NCOA2: variants seen among roughly 807,000 people sequenced by gnomAD.
NCOA2 encodes class E basic helix-loop-helix protein 75.
NCOA2 carries 21 observed loss-of-function variants against 145.1 expected under a neutral mutation model. That is an observed-to-expected ratio of 0.14 (90% confidence interval 0.10 to 0.21). The LOEUF is 0.21. Among genes scored for constraint, NCOA2 ranks in the 10% least tolerant of loss-of-function variants. The pLI is 1.00. For synonymous variants in NCOA2, 619 were observed against 637.5 expected (o/e 0.97, Z 0.44); for missense variants, 1,472 against 1,837.6 (o/e 0.80, Z 3.64).
At chr8:70,237,102 G>A (rs1008725315) in intron 2 of NCOA2, among the ~76,000 whole-genome samples, 25 of 152,270 alleles carry the variant, frequency 1.6e-4, no homozygotes, top group South Asian at 4.2e-4. Flanking sequence ...AACTGCTATC[G>A]AGTTTGAAGC....
At chr8:70,350,396 T>C (rs529365659) in intron 1 of NCOA2, among the ~76,000 whole-genome samples, 7 of 152,290 alleles carry the variant, frequency 4.6e-5, no homozygotes, top group Non-Finnish European at 1.0e-4. Flanking sequence ...TCCTGGGATA[T>C]TTCACTATCC....
chr8:70,327,610 T>G (rs149309583), intron 1 of NCOA2, among the ~76,000 whole-genome samples: 7 of 152,198 alleles, frequency 4.6e-5, no homozygotes, highest in Middle Eastern at 3.4e-3. Flanking sequence ...ACAAGTACAA[T>G]CTCACTATAT....
At position 70,144,778 on chromosome 8, in the gene NCOA2, T is replaced by C. The variant is rs1810833001; in HGVS notation, c.2676A>G (p.Thr892=). The change falls in exon 13 of 23, where the codon ACA becomes ACG. Residue 892 remains threonine, a synonymous_variant. Coordinates refer to ENST00000452400, the MANE Select transcript of NCOA2 (RefSeq NM_006540.4). ...GTCCAGCACCAGTTGGGCTTTGCAA[T>C]GTGATGTCAAGTGGTAAATTCTGGT... The part of the protein sequence containing the change: ...LPNQNLPLDI[T]LQSPTGAGPF... 1 of 1,613,958 alleles carries C rather than the reference T, an allele frequency of 6.2e-7. No homozygotes were observed. Among genetic ancestry groups the C allele is most frequent in the Non-Finnish European group, 8.5e-7 (1 of 1,179,870 alleles).
intron 2 of NCOA2, among the ~76,000 whole-genome samples, chr8:70,286,040 A>G (rs1295481985): frequency 6.6e-6 from 1 of 152,244 alleles, no homozygotes; most frequent in African/African-American, 2.4e-5. Context: ...AATAAAAAGC[A>G]TATTATGCCT....
rs1241291242 is a variant in NCOA2, at chr8:70,111,255, G to C, written c.*2377C>G. ...GCGGGCAGATGGATAAAAAAGAAGA[G>C]ATAGGTAGATAGTTTTGGACGGTGT... On this transcript the variant is annotated 3_prime_UTR_variant, in exon 23 of 23. Transcript: ENST00000452400. 8.8e-6 allele frequency: 2 copies of C among 226,432 alleles called. No homozygotes were observed. The highest frequency in any genetic ancestry group is 1.8e-5 in the Non-Finnish European group (2 of 113,880). 14.0% of individuals were successfully genotyped at this position (226,432 alleles called of 1,614,324 possible). A position where few individuals can be genotyped will look rare whatever the true frequency, so the allele number is the denominator to read the frequency against.
the NCOA2 span, among the ~76,000 whole-genome samples, chr8:70,442,082 AAG>A: frequency 2.4e-5 from 3 of 127,138 alleles, no homozygotes; most frequent in East Asian, 4.4e-4. Context: ...AAGAAAGAAA[AAG>A]AGAAGAAAGA....
At chr8:70,259,829 C>G (rs4738083) in intron 2 of NCOA2, among the ~76,000 whole-genome samples, 8,306 of 152,262 alleles carry the variant, frequency 0.055, 305 homozygotes, top group East Asian at 0.16. Context: ...ATTAAGAGAG[C>G]TCTCGCACAT....
At chr8:70,419,913 G>A in the NCOA2 span, among the ~76,000 whole-genome samples, 1 of 152,132 alleles carries the variant, frequency 6.6e-6, no homozygotes, top group Non-Finnish European at 1.5e-5. Context: ...TAATGCTATA[G>A]AAATACACTT....
In NCOA2 at chr8:70,111,335, T is replaced by C; in HGVS notation, c.*2297A>G. 4.4e-6 allele frequency: 1 copy of C among 225,110 alleles called. No homozygotes were observed. The highest frequency in any genetic ancestry group is 8.9e-6 in the Non-Finnish European group (1 of 112,964). 13.9% of individuals were successfully genotyped at this position (225,110 alleles called of 1,614,324 possible). ...CAAAACAAATCCAGTTTAAACTCCATTTCTCTTTTGTGCTGTGTGAAGTTA... is the reference window on the plus strand; with the variant it reads ...CAAAACAAATCCAGTTTAAACTCCACTTCTCTTTTGTGCTGTGTGAAGTTA... On this transcript the variant is annotated 3_prime_UTR_variant, in exon 23 of 23. Transcript: ENST00000452400.
At chr8:70,244,671 T>G (rs1338467227) in intron 2 of NCOA2, among the ~76,000 whole-genome samples, 1 of 152,174 alleles carries the variant, frequency 6.6e-6, no homozygotes, top group Non-Finnish European at 1.5e-5. Flanking sequence ...TATTTATTCC[T>G]TAATAATTAA....
chr8:70,342,937 C>T (rs1442179344), intron 1 of NCOA2, among the ~76,000 whole-genome samples: 1 of 151,718 alleles, frequency 6.6e-6, no homozygotes, highest in African/African-American at 2.4e-5. Flanking sequence ...AATGATACCA[C>T]TAGATAGAGT....
intron 1 of NCOA2, among the ~76,000 whole-genome samples, chr8:70,333,535 C>T (rs1423162027): frequency 3.3e-5 from 5 of 152,144 alleles, no homozygotes; most frequent in South Asian, 2.1e-4. Flanking sequence ...CTCTGTTGGG[C>T]GACATGAATA....
intron 1 of NCOA2, among the ~76,000 whole-genome samples, chr8:70,353,397 G>A (rs1339326526): frequency 6.7e-6 from 1 of 149,770 alleles, no homozygotes. Flanking sequence ...TTAAAGGGGG[G>A]TGCCACCATG....
intron 2 of NCOA2, among the ~76,000 whole-genome samples, chr8:70,267,551 C>G (rs934888149): frequency 6.6e-6 from 1 of 152,060 alleles, no homozygotes; most frequent in Non-Finnish European, 1.5e-5. Flanking sequence ...GCATACGTCA[C>G]CATGCCCGGC....
intron 2 of NCOA2, among the ~76,000 whole-genome samples, chr8:70,294,776 G>C (rs954107214): frequency 6.6e-6 from 1 of 152,162 alleles, no homozygotes; most frequent in Admixed American, 6.5e-5. Context: ...CCTTGGAAAA[G>C]TCATTTAACC....
chr8:70,156,509 G>T lies in NCOA2; in HGVS notation c.1856C>A (p.Pro619Gln), dbSNP rs780473742. The T allele has an allele frequency of 6.2e-7, 1 of 1,613,666 alleles. No individual in the cohort carries two copies. Reference protein sequence around the residue: ...QKETNDPNLPPAVSSERADGQ... With the variant: ...QKETNDPNLPQAVSSERADGQ... ...GTCAGCTCTCTCACTGCTCACGGCC[G>T]GGGGCAGGTTGGGGTCATTTGTTTC... The change falls in exon 11 of 23, where the codon CCG becomes CAG. Residue 619 changes from proline to glutamine, a missense_variant. Transcript: ENST00000452400.
chr8:70,277,363 T>C lies in NCOA2; in HGVS notation c.-20+19381A>G, dbSNP rs1023757351. 3.3e-5 allele frequency among the ~76,000 whole-genome samples: 5 copies of C among 152,330 alleles called. No homozygotes were observed. The East Asian group carries it at 9.6e-4, about 29-fold the overall frequency. ...TTCCAAGTAATAATCTCTTCTTTTC[T>C]CTATTTACCCTAACCTTAAGAAACT... is the stretch of plus-strand genomic sequence containing the variant. On this transcript the variant is annotated intron_variant, in intron 2 of 22. Transcript: ENST00000452400.
chr8:70,221,408 T>C (rs1350152346), intron 2 of NCOA2, among the ~76,000 whole-genome samples: 1 of 152,178 alleles, frequency 6.6e-6, no homozygotes. Flanking sequence ...TCCTTCAAAG[T>C]ACACTGTGTT....
chr8:70,120,017 G>A (rs1289890588), intron 22 of NCOA2, among the ~76,000 whole-genome samples: 1 of 151,944 alleles, frequency 6.6e-6, no homozygotes, highest in Admixed American at 6.6e-5. Context: ...CTACAGGCAC[G>A]TGCCACCACA....
Sources: allele counts gnomAD v4.1 joint callset (sites outside exome capture counted in the v4.1 genomes callset), GRCh38; gene constraint gnomAD v4.1.1; transcripts MANE v1.5; gene names NCBI Gene and HGNC (gene_info 2026-07-23, HGNC 2026-07-21).